The following SLC30A10 variants were observed in gnomAD, a reference collection of about 807,000 sequenced individuals.
SLC30A10 encodes the protein calcium/manganese antiporter SLC30A10.
A neutral mutation model predicts 21.7 loss-of-function variants in SLC30A10; 8 were observed. The ratio of observed to expected loss-of-function variants is 0.37; its 90% CI spans 0.22 to 0.67. SLC30A10 has a LOEUF of 0.67. SLC30A10 is among the 30% of genes least tolerant of loss of function. The pLI, the probability that SLC30A10 is intolerant of heterozygous loss-of-function variation, is 0.58. For missense variants in SLC30A10, 521 were observed against 642.5 expected (o/e 0.81, Z 2.04); for synonymous variants, 272 against 279.4 (o/e 0.97, Z 0.26).
upstream of SLC30A10, among the ~76,000 whole-genome samples, chr1:219,932,513 A>G (rs2102538680): frequency 6.6e-6 from 1 of 152,184 alleles, no homozygotes; most frequent in South Asian, 2.1e-4. Flanking sequence ...GGAGAAGAGA[A>G]TGGACATCTT....
intron 1 of SLC30A10, among the ~76,000 whole-genome samples, chr1:219,934,206 T>G (rs1660010603): frequency 6.6e-6 from 1 of 152,154 alleles, no homozygotes; most frequent in African/African-American, 2.4e-5. Flanking sequence ...GAGAATGGCG[T>G]GAACCCAGGA....
upstream of SLC30A10, among the ~76,000 whole-genome samples, chr1:219,930,598 T>C (rs555610503): frequency 1.3e-5 from 2 of 152,368 alleles, no homozygotes; most frequent in Admixed American, 6.5e-5. Flanking sequence ...TAAAGCATCC[T>C]TGATCCAAGT....
At chr1:219,925,649 ATATTTTTTTTTTTT>A (rs1659800509) in intron 2 of SLC30A10, among the ~76,000 whole-genome samples, 1 of 65,948 alleles carries the variant, frequency 1.5e-5, no homozygotes, top group African/African-American at 7.7e-5. Flanking sequence ...ATATATATAT[ATATTTTTTTTTTTT>A]TTTTTTTTTT....
chr1:219,939,136 A>G (rs1660083934), intron 1 of SLC30A10, among the ~76,000 whole-genome samples: 2 of 152,228 alleles, frequency 1.3e-5, no homozygotes, highest in Admixed American at 6.5e-5. Flanking sequence ...AAAAAGAAAA[A>G]TGCCCACATA....
chr1:219,958,048 T>C (rs1392607617), intron 1 of SLC30A10, among the ~76,000 whole-genome samples: 1 of 152,218 alleles, frequency 6.6e-6, no homozygotes, highest in African/African-American at 2.4e-5. Context: ...CTCGCCATTT[T>C]ACATACCATT....
chr1:219,935,775 T>C (rs374761694), intron 1 of SLC30A10, among the ~76,000 whole-genome samples: 14 of 152,360 alleles, frequency 9.2e-5, no homozygotes, highest in African/African-American at 2.9e-4. Flanking sequence ...TCCTTCATAG[T>C]TATCTAGAGT....
intron 2 of SLC30A10, among the ~76,000 whole-genome samples, chr1:219,922,640 C>T (rs569800838): frequency 2.0e-5 from 3 of 152,204 alleles, no homozygotes; most frequent in South Asian, 4.2e-4. Flanking sequence ...GCAAGATTCT[C>T]ATCTGTGAAA....
chr1:219,952,019 G>A (rs1365074391), intron 1 of SLC30A10, among the ~76,000 whole-genome samples: 4 of 152,164 alleles, frequency 2.6e-5, no homozygotes, highest in Non-Finnish European at 5.9e-5. Flanking sequence ...TGATGGATCT[G>A]CTGTAACCAT....
At chr1:219,921,907 A>ATGTG (rs1659687168) in intron 2 of SLC30A10, among the ~76,000 whole-genome samples, 1 of 65,984 alleles carries the variant, frequency 1.5e-5, no homozygotes. Flanking sequence ...GTGTGTGTGA[A>ATGTG]AGAGAGAGAG....
chr1:219,946,218 A>G (rs1660185150), intron 1 of SLC30A10, among the ~76,000 whole-genome samples: 1 of 152,112 alleles, frequency 6.6e-6, no homozygotes, highest in African/African-American at 2.4e-5. Context: ...ACTTTGTGTC[A>G]CTATATAATT....
At position 219,918,292 on chromosome 1, in the gene SLC30A10, T is replaced by C. The variant is rs760071039; in HGVS notation, c.921A>G (p.Leu307=). ...PLIKETAAIL[L]QMVPKGVNME... ...TGTTGACTCCTTTTGGGACCATCTG[T>C]AGCAGAATGGCAGCGGTCTCCTTGA... The change falls in exon 3 of 4, where the codon CTA becomes CTG. Residue 307 remains leucine (L), a synonymous_variant. Transcript: ENST00000366926. The surrounding 1 kb of genome is among the most constrained non-coding windows in gnomAD (Gnocchi z 4.4). The C allele has an allele frequency of 3.7e-6, 6 of 1,614,052 alleles. No homozygotes were observed. In the Admixed American group the frequency reaches 1.0e-4, roughly 27 times the overall value.
At chr1:219,956,732 C>T (rs552094338) in intron 1 of SLC30A10, among the ~76,000 whole-genome samples, 2 of 151,162 alleles carry the variant, frequency 1.3e-5, no homozygotes, top group African/African-American at 4.8e-5. Flanking sequence ...TTGTCTTAAG[C>T]CTCTTGTTAT....
At chr1:219,943,288 G>T (rs1384821485) in intron 1 of SLC30A10, among the ~76,000 whole-genome samples, 1 of 152,146 alleles carries the variant, frequency 6.6e-6, no homozygotes, top group Non-Finnish European at 1.5e-5. Flanking sequence ...AAACTCAATA[G>T]AAGGTGCCCC....
intron 1 of SLC30A10, among the ~76,000 whole-genome samples, chr1:219,951,000 A>G (rs1411234953): frequency 6.6e-6 from 1 of 152,170 alleles, no homozygotes; most frequent in Non-Finnish European, 1.5e-5. Context: ...TGTCAAAAGA[A>G]AAACAGATTC....
intron 1 of SLC30A10, among the ~76,000 whole-genome samples, chr1:219,944,528 G>T (rs1448995814): frequency 6.6e-6 from 1 of 152,134 alleles, no homozygotes; most frequent in Non-Finnish European, 1.5e-5. Context: ...AGGAAAGAAA[G>T]TATTTTATCT....
At chr1:219,933,037 G>A (rs1329142776), upstream of SLC30A10, among the ~76,000 whole-genome samples, 2 of 150,602 alleles carry the variant, frequency 1.3e-5, no homozygotes, top group African/African-American at 2.4e-5. Flanking sequence ...CTCCAGCCTG[G>A]GCAACAAGAG....
intron 1 of SLC30A10, 50 bp downstream of exon 1, chr1:219,927,751 G>A: frequency 1.4e-6 from 2 of 1,455,656 alleles, no homozygotes; most frequent in Non-Finnish European, 1.8e-6. Context: ...GGACCGGGTG[G>A]GAGGAGGAAG....
At chr1:219,943,355 G>A (rs541887064) in intron 1 of SLC30A10, among the ~76,000 whole-genome samples, 16 of 152,214 alleles carry the variant, frequency 1.1e-4, no homozygotes, top group East Asian at 9.6e-4. Context: ...CTGATCTCCC[G>A]CACCTGCTCA....
At chr1:219,956,541 C>G (rs1296432987) in intron 1 of SLC30A10, among the ~76,000 whole-genome samples, 1 of 151,942 alleles carries the variant, frequency 6.6e-6, no homozygotes, top group Non-Finnish European at 1.5e-5. Context: ...GGACCAGACA[C>G]TGGGGCACAC....
Sources: gnomAD v4.1 joint callset for allele counts (sites outside exome capture counted in the v4.1 genomes callset) on GRCh38, gnomAD v4.1.1 for gene constraint, Gnocchi (gnomAD v3.1) non-coding constraint, MANE v1.5 for transcripts, NCBI Gene and HGNC (gene_info 2026-07-23, HGNC 2026-07-21) for gene names.